SOAT1: variants seen among roughly 807,000 people sequenced by gnomAD.
The protein encoded by SOAT1 is acyl-coenzyme A:cholesterol acyltransferase 1.
In SOAT1, 55 loss-of-function variants were observed where a neutral mutation model predicts 69.5. That is an observed-to-expected ratio of 0.79 (90% CI 0.64 to 0.99). The LOEUF is 0.99. Ranked by LOEUF, SOAT1 falls within the 50% of genes least tolerant of loss-of-function variation. The probability of loss-of-function intolerance (pLI) is 0.00; values close to 1 mark genes in which losing one functional copy is unlikely to be tolerated. For missense variants in SOAT1, 580 were observed against 669.3 expected (o/e 0.87, Z 1.47); for synonymous variants, 231 against 224.7 (o/e 1.03, Z -0.25).
At chr1:179,317,351 G>A (rs1665430117) in intron 2 of SOAT1, among the ~76,000 whole-genome samples, 1 of 152,102 alleles carries the variant, frequency 6.6e-6, no homozygotes, top group Non-Finnish European at 1.5e-5. Context: ...GGCTAACACA[G>A]TGAAACCCTG....
At chr1:179,338,413 GC>G in intron 5 of SOAT1, among the ~76,000 whole-genome samples, 1 of 152,164 alleles carries the variant, frequency 6.6e-6, no homozygotes. Context: ...ACAGAGCAAG[GC>G]TGTCTCAATA....
intron 8 of SOAT1, 131 bp downstream of exon 8, chr1:179,342,323 T>C (rs962426282): frequency 7.9e-5 from 45 of 569,654 alleles, no homozygotes; most frequent in Non-Finnish European, 1.3e-4. Flanking sequence ...CTCTTTCTCT[T>C]TCTCTCTCTC....
intron 12 of SOAT1, 82 bp from the exon 13 acceptor site, chr1:179,348,762 G>A (rs1420898995): frequency 6.8e-4 from 1 of 1,468 alleles, no homozygotes; most frequent in South Asian, 0.02. Context: ...CGGGTGGGAT[G>A]TGTGTGTGTG....
intron 2 of SOAT1, among the ~76,000 whole-genome samples, chr1:179,316,893 GA>G (rs768180736): frequency 6.6e-6 from 1 of 152,082 alleles, no homozygotes; most frequent in Non-Finnish European, 1.5e-5. Flanking sequence ...ATGTCCAATA[GA>G]AGATTAAATT....
At chr1:179,349,541 C>T (rs1187142575) in intron 13 of SOAT1, among the ~76,000 whole-genome samples, 2 of 151,978 alleles carry the variant, frequency 1.3e-5, no homozygotes, top group Non-Finnish European at 2.9e-5. Context: ...TGGTCAGGCT[C>T]ATCTTGAACT....
chr1:179,297,238 G>A (rs1664680324), intron 1 of SOAT1, among the ~76,000 whole-genome samples: 1 of 152,156 alleles, frequency 6.6e-6, no homozygotes, highest in Non-Finnish European at 1.5e-5. Context: ...TACTGGCGGT[G>A]TACTCCAATA....
intron 2 of SOAT1, among the ~76,000 whole-genome samples, chr1:179,311,957 G>A (rs957742224): frequency 6.6e-6 from 1 of 152,280 alleles, no homozygotes; most frequent in South Asian, 2.1e-4. Flanking sequence ...AAAGAGATGG[G>A]CTACTCTTTC....
intron 3 of SOAT1, among the ~76,000 whole-genome samples, chr1:179,327,286 G>T (rs956271669): frequency 6.6e-6 from 1 of 152,028 alleles, no homozygotes; most frequent in Admixed American, 6.5e-5. Flanking sequence ...TTTTTTAAAT[G>T]CAAGTTAGGA....
In SOAT1 at chr1:179,302,622, G is replaced by T. The variant is rs899092959; in HGVS notation, c.-8-55G>T. ...TATAAATTACCCAGTCTCAGGTAGTGTATAGCAGTGTGAAAACGGACTAAT... is the reference window on the plus strand; with the variant it reads ...TATAAATTACCCAGTCTCAGGTAGTTTATAGCAGTGTGAAAACGGACTAAT... On this transcript the variant is annotated intron_variant, in intron 1 of 15. Coordinates refer to ENST00000367619, the MANE Select transcript of SOAT1 (RefSeq NM_003101.6). The T allele has an allele frequency of 1.6e-5, 17 of 1,084,104 alleles. No individual in the cohort carries two copies. In the Middle Eastern group the frequency reaches 1.0e-3, roughly 67 times the overall value. 67.2% of individuals were successfully genotyped at this position (1,084,104 alleles called of 1,614,324 possible).
At chr1:179,341,693 C>A (rs1477321125) in intron 7 of SOAT1, among the ~76,000 whole-genome samples, 1 of 152,058 alleles carries the variant, frequency 6.6e-6, no homozygotes, top group Admixed American at 6.6e-5. Context: ...TGCCACCACA[C>A]CCGGCTAATT....
At position 179,302,821 on chromosome 1, in the gene SOAT1, T is replaced by C. The variant is rs1333267270; in HGVS notation, c.118+19T>C. Reference sequence around the variant, plus strand: ...AGTAATGGTGAGGCTTAATTTTTTTTTTTTAGGTGAATTAGTGAAATAGAG... The same window carrying C: ...AGTAATGGTGAGGCTTAATTTTTTTCTTTTAGGTGAATTAGTGAAATAGAG... On this transcript the variant is annotated intron_variant, in intron 2 of 15. Coordinates refer to ENST00000367619, the MANE Select transcript of SOAT1 (RefSeq NM_003101.6). The C allele has an allele frequency of 7.1e-7, 1 of 1,411,644 alleles. No homozygotes were observed. The highest frequency in any genetic ancestry group is 2.3e-5 in the East Asian group (1 of 43,076). 87.4% of individuals were successfully genotyped at this position (1,411,644 alleles called of 1,614,324 possible).
chr1:179,294,277 C>G (rs1224832539), intron 1 of SOAT1: 3 of 152,128 alleles, frequency 2.0e-5, no homozygotes, highest in Non-Finnish European at 4.4e-5. Flanking sequence ...CTCAGGAAGT[C>G]AGCTTTTTAA....
chr1:179,314,136 C>A (rs1338849533), intron 2 of SOAT1, among the ~76,000 whole-genome samples: 2 of 152,144 alleles, frequency 1.3e-5, no homozygotes, highest in African/African-American at 4.8e-5. Context: ...ATTTGAGACT[C>A]AGTTCAAATA....
intron 15 of SOAT1, among the ~76,000 whole-genome samples, chr1:179,353,225 CTATTTGT>C (rs1666807973): frequency 5.1e-5 from 1 of 19,622 alleles, no homozygotes; most frequent in African/African-American, 1.8e-4. Context: ...ATATATATAT[CTATTTGT>C]CGTCCTTAAC....
intron 6 of SOAT1, 40 bp downstream of exon 6, chr1:179,339,585 A>G (rs747566556): frequency 4.4e-6 from 6 of 1,356,012 alleles, no homozygotes; most frequent in Non-Finnish European, 6.2e-6. Flanking sequence ...TTGATGCATG[A>G]GAAGTTAGAG....
intron 10 of SOAT1, 141 bp from the exon 11 acceptor site, chr1:179,344,806 T>C: frequency 4.2e-6 from 3 of 714,694 alleles, no homozygotes; most frequent in Non-Finnish European, 7.3e-6. Flanking sequence ...ATTATAGCAG[T>C]CTTCTATACT....
In SOAT1 at chr1:179,358,108, A is replaced by G. The variant is rs1475670268; in HGVS notation, c.*4467A>G. ...GGTTGGTAGGAAAGCTATGTAATCTATATAGTGTACTAAATCCTTATATGT... is the reference window on the plus strand; with the variant it reads ...GGTTGGTAGGAAAGCTATGTAATCTGTATAGTGTACTAAATCCTTATATGT... On this transcript the variant is annotated 3_prime_UTR_variant, in exon 16 of 16. Coordinates refer to ENST00000367619, the MANE Select transcript of SOAT1 (RefSeq NM_003101.6). 2 of 152,230 alleles carry G rather than the reference A, an allele frequency of 1.3e-5. No homozygotes were observed. The highest frequency in any genetic ancestry group is 2.9e-5 in the Non-Finnish European group (2 of 68,038). 9.4% of individuals were successfully genotyped at this position (152,230 alleles called of 1,614,324 possible). A position where few individuals can be genotyped will look rare whatever the true frequency, so the allele number is the denominator to read the frequency against.
intron 4 of SOAT1, among the ~76,000 whole-genome samples, chr1:179,337,305 G>A (rs1666191853): frequency 6.6e-6 from 1 of 152,180 alleles, no homozygotes; most frequent in Non-Finnish European, 1.5e-5. Flanking sequence ...GTAACTTGCA[G>A]CAACCTTTAA....
chr1:179,314,708 C>T (rs4652364), intron 2 of SOAT1, among the ~76,000 whole-genome samples: 110,269 of 151,974 alleles, frequency 0.73, 40,359 homozygotes, highest in East Asian at 0.88. Flanking sequence ...TGATAATAGG[C>T]GTGAGCCAGC....
Sources: gnomAD v4.1 joint callset for allele counts (sites outside exome capture counted in the v4.1 genomes callset) on GRCh38, gnomAD v4.1.1 for gene constraint, MANE v1.5 for transcripts, NCBI Gene and HGNC (gene_info 2026-07-23, HGNC 2026-07-21) for gene names.